FAM151B: variants seen among roughly 807,000 people sequenced by gnomAD.
FAM151B encodes the protein family with sequence similarity 151 member B, also known as protein FAM151B.
A neutral mutation model predicts 31.2 loss-of-function variants in FAM151B; 24 were observed. The ratio of observed to expected loss-of-function variants is 0.77; its 90% CI spans 0.56 to 1.08. The LOEUF (loss-of-function observed/expected upper bound fraction) is 1.08, where lower values mean the gene tolerates loss of function less well. FAM151B is among the 50% of genes least tolerant of loss of function. The probability of loss-of-function intolerance (pLI) is 0.00; values close to 1 mark genes in which losing one functional copy is unlikely to be tolerated. For missense variants in FAM151B, 293 were observed against 328.6 expected, an observed-to-expected ratio of 0.89 and a Z score of 0.84; for synonymous variants, 105 against 111.4, an observed-to-expected ratio of 0.94 and a Z score of 0.36.
chr5:80,500,346 A>G (rs1442706213), intron 1 of FAM151B: 13 of 956,632 alleles, frequency 1.4e-5, no homozygotes, highest in Non-Finnish European at 2.0e-5. Context: ...GAGGGTGTAG[A>G]AGAGAAAGAG....
chr5:80,515,381 A>T (rs1322608694), intron 3 of FAM151B, among the ~76,000 whole-genome samples: 1 of 152,242 alleles, frequency 6.6e-6, no homozygotes, highest in Non-Finnish European at 1.5e-5. Flanking sequence ...AAGCTTTGAC[A>T]GGTAAGCTAC....
chr5:80,529,118 A>C (rs931294362), intron 5 of FAM151B, among the ~76,000 whole-genome samples: 33 of 152,224 alleles, frequency 2.2e-4, no homozygotes, highest in African/African-American at 7.7e-4. Flanking sequence ...GAAACTGAAC[A>C]ACCTGCTCCT....
chr5:80,508,138 G>C (rs887577669), intron 2 of FAM151B, among the ~76,000 whole-genome samples: 3 of 152,050 alleles, frequency 2.0e-5, no homozygotes, highest in Non-Finnish European at 4.4e-5. Flanking sequence ...AATCATTTTT[G>C]TATGTAGATA....
At chr5:80,538,073 A>AT (rs56023066) in intron 5 of FAM151B, among the ~76,000 whole-genome samples, 4,093 of 141,422 alleles carry the variant, frequency 0.029, 71 homozygotes, top group Middle Eastern at 0.059. Context: ...TATTTTATTA[A>AT]TTTTTTTTTT....
intron 5 of FAM151B, among the ~76,000 whole-genome samples, chr5:80,527,441 A>T (rs896025804): frequency 4.9e-5 from 7 of 142,042 alleles, no homozygotes; most frequent in Non-Finnish European, 7.8e-5. Flanking sequence ...AAAAAAAAAA[A>T]TTTCATTAGG....
At chr5:80,533,820 CAA>C (rs1382325929) in intron 5 of FAM151B, among the ~76,000 whole-genome samples, 1 of 135,052 alleles carries the variant, frequency 7.4e-6, no homozygotes, top group East Asian at 2.1e-4. Context: ...ATCAATGAAA[CAA>C]AAAGTTGGCT....
At chr5:80,526,780 A>C (rs1436557769) in intron 5 of FAM151B, among the ~76,000 whole-genome samples, 3 of 152,014 alleles carry the variant, frequency 2.0e-5, no homozygotes, top group African/African-American at 4.8e-5. Context: ...AGGTATTATC[A>C]GTAGGGGTGA....
At chr5:80,527,905 C>T (rs1331090612) in intron 5 of FAM151B, among the ~76,000 whole-genome samples, 1 of 152,170 alleles carries the variant, frequency 6.6e-6, no homozygotes, top group Admixed American at 6.5e-5. Context: ...TTTTTCTAAA[C>T]AAATCTTTTT....
intron 1 of FAM151B, chr5:80,499,013 G>GA (rs201109845): frequency 0.025 from 3,640 of 147,206 alleles, 46 homozygotes; most frequent in Non-Finnish European, 0.037. Context: ...ATGGCAGATG[G>GA]AAAAAAAAAA....
chr5:80,522,192 G>T, intron 5 of FAM151B, 54 bp downstream of exon 5: 1 of 1,520,048 alleles, frequency 6.6e-7, no homozygotes, highest in Non-Finnish European at 9.0e-7. Flanking sequence ...GACAGAGATA[G>T]AAAGGGCATG....
chr5:80,534,512 A>T (rs899677785), intron 5 of FAM151B, among the ~76,000 whole-genome samples: 2 of 152,236 alleles, frequency 1.3e-5, no homozygotes, highest in Non-Finnish European at 2.9e-5. Flanking sequence ...AAACCATATG[A>T]TCATTTCAAT....
chr5:80,526,138 C>A (rs1011859025), intron 5 of FAM151B, among the ~76,000 whole-genome samples: 1 of 151,940 alleles, frequency 6.6e-6, no homozygotes, highest in African/African-American at 2.4e-5. Flanking sequence ...AGAAAGTCAG[C>A]CTCCTTATAC....
At chr5:80,524,664 T>A (rs541852114) in intron 5 of FAM151B, among the ~76,000 whole-genome samples, 47 of 152,300 alleles carry the variant, frequency 3.1e-4, no homozygotes, top group Non-Finnish European at 5.6e-4. Flanking sequence ...TTTAAAAACT[T>A]AGCACTGAAA....
In FAM151B at chr5:80,507,083, C is replaced by A. The variant is rs1268419325; in HGVS notation, c.151+5166C>A. Among the ~76,000 whole-genome samples the A allele has an allele frequency of 2.0e-5, 3 of 147,206 alleles. No individual in the cohort carries two copies. The East Asian group carries it at 6.0e-4, about 29-fold the overall frequency. On this transcript the variant is annotated intron_variant, in intron 2 of 5. Coordinates refer to ENST00000282226, the MANE Select transcript of FAM151B (RefSeq NM_205548.3). ...GCAGTGAGCCAAGATCATGCCACTG[C>A]ACTCCAGCCTGGGTAACAGGGTGAG...
At chr5:80,500,468 A>AG in intron 1 of FAM151B, 1 of 859,344 alleles carries the variant, frequency 1.2e-6, no homozygotes. Flanking sequence ...AAAGGCAAGG[A>AG]GGAAGCTTAT....
intron 5 of FAM151B, among the ~76,000 whole-genome samples, chr5:80,528,066 C>T (rs1389864790): frequency 1.3e-5 from 2 of 151,878 alleles, no homozygotes; most frequent in African/African-American, 4.8e-5. Flanking sequence ...TTGTTAAAAA[C>T]TAAGACACAA....
chr5:80,521,929 G>A (rs916274657), intron 4 of FAM151B, 74 bp from the exon 5 acceptor site: 6 of 1,100,590 alleles, frequency 5.5e-6, no homozygotes, highest in Middle Eastern at 4.2e-4. Flanking sequence ...CTAATTATAG[G>A]TAATTTAGTC....
intron 1 of FAM151B, among the ~76,000 whole-genome samples, chr5:80,497,490 C>T (rs1047871080): frequency 2.6e-5 from 4 of 151,422 alleles, no homozygotes; most frequent in African/African-American, 7.3e-5. Flanking sequence ...CTATTTTTGC[C>T]TTTCTCTTGG....
intron 5 of FAM151B, among the ~76,000 whole-genome samples, chr5:80,539,370 A>ATTT (rs11377216): frequency 1.3e-5 from 2 of 151,720 alleles, no homozygotes; most frequent in East Asian, 1.9e-4. Flanking sequence ...TTATTTAATG[A>ATTT]TTTTTTTTAA....
Sources: allele counts gnomAD v4.1 joint callset (sites outside exome capture counted in the v4.1 genomes callset), GRCh38; gene constraint gnomAD v4.1.1; transcripts MANE v1.5; gene names NCBI Gene and HGNC (gene_info 2026-07-23, HGNC 2026-07-21).